The following LRMDA variants were observed in gnomAD, a reference collection of about 807,000 sequenced individuals.
LRMDA encodes the protein leucine-rich melanocyte differentiation-associated protein.
LRMDA carries 18 observed loss-of-function variants against 29.8 expected under a neutral mutation model. That is an observed-to-expected ratio of 0.60 (90% CI 0.42 to 0.90). The LOEUF is 0.90. Ranked by LOEUF, LRMDA falls within the 40% of genes least tolerant of loss-of-function variation. The pLI is 0.00. For missense variants in LRMDA, 273 were observed against 273.9 expected, an observed-to-expected ratio of 1.00 and a Z score of 0.02; for synonymous variants, 125 against 109.4, an observed-to-expected ratio of 1.14 and a Z score of -0.89.
chr10:76,292,590 GACTAC>G (rs936456264), intron 5 of LRMDA, among the ~76,000 whole-genome samples: 10 of 152,136 alleles, frequency 6.6e-5, no homozygotes, highest in Non-Finnish European at 2.9e-5. Context: ...AATGAAGATT[GACTAC>G]ACTGATGAAA....
intron 2 of LRMDA, among the ~76,000 whole-genome samples, chr10:76,035,441 AG>A (rs1208343271): frequency 2.0e-5 from 3 of 152,120 alleles, no homozygotes; most frequent in Admixed American, 6.5e-5. Context: ...AAAAAGGCAG[AG>A]GAAAAAAAAA....
At chr10:75,513,702 G>C (rs368220753) in intron 2 of LRMDA, among the ~76,000 whole-genome samples, 3 of 151,990 alleles carry the variant, frequency 2.0e-5, no homozygotes, top group African/African-American at 7.3e-5. Context: ...CTCTCGGCCC[G>C]GTGTCACTCC....
intron 2 of LRMDA, among the ~76,000 whole-genome samples, chr10:75,561,786 G>A (rs889482076): frequency 7.2e-5 from 11 of 151,780 alleles, no homozygotes; most frequent in African/African-American, 2.7e-4. Context: ...ATTTTGTTAT[G>A]TACCCAGTAG....
chr10:75,785,303 A>T (rs1239012660), intron 2 of LRMDA, among the ~76,000 whole-genome samples: 1 of 151,966 alleles, frequency 6.6e-6, no homozygotes, highest in East Asian at 1.9e-4. Context: ...AATTCCAGAT[A>T]AACCTTCACC....
At chr10:75,539,424 G>A (rs1344806370) in intron 2 of LRMDA, among the ~76,000 whole-genome samples, 1 of 152,058 alleles carries the variant, frequency 6.6e-6, no homozygotes, top group Admixed American at 6.6e-5. Flanking sequence ...TCCCTCTTTG[G>A]GAATGTCATA....
At chr10:76,539,044 T>G (rs1843323358) in intron 6 of LRMDA, among the ~76,000 whole-genome samples, 1 of 152,172 alleles carries the variant, frequency 6.6e-6, no homozygotes, top group Non-Finnish European at 1.5e-5. Context: ...AGTCAGTTGG[T>G]CTATTTTTAT....
At chr10:75,690,337 G>T (rs976301038) in intron 2 of LRMDA, among the ~76,000 whole-genome samples, 2 of 152,098 alleles carry the variant, frequency 1.3e-5, no homozygotes, top group East Asian at 3.9e-4. Flanking sequence ...TCTGGGTCTT[G>T]CTCTGTTACC....
At chr10:75,539,090 C>A (rs1197472607) in intron 2 of LRMDA, among the ~76,000 whole-genome samples, 3 of 152,184 alleles carry the variant, frequency 2.0e-5, no homozygotes, top group Admixed American at 6.5e-5. Flanking sequence ...AAAAAAACTT[C>A]TCTTCAATAG....
chr10:76,170,554 C>T (rs994723856), intron 5 of LRMDA, among the ~76,000 whole-genome samples: 1 of 152,174 alleles, frequency 6.6e-6, no homozygotes, highest in African/African-American at 2.4e-5. Context: ...GTTTCTCATA[C>T]GTAAAGCAGA....
At chr10:76,233,024 G>A (rs575347369) in intron 5 of LRMDA, among the ~76,000 whole-genome samples, 18 of 152,324 alleles carry the variant, frequency 1.2e-4, no homozygotes, top group Admixed American at 3.3e-4. Flanking sequence ...AGAAAAGTGC[G>A]CCAAATGGGA....
At chr10:76,273,633 T>G (rs1840094398) in intron 5 of LRMDA, among the ~76,000 whole-genome samples, 1 of 152,188 alleles carries the variant, frequency 6.6e-6, no homozygotes, top group Admixed American at 6.5e-5. Context: ...AAATACAATT[T>G]GGGCATAAAG....
intron 2 of LRMDA, among the ~76,000 whole-genome samples, chr10:75,977,142 T>G (rs1333542584): frequency 1.3e-5 from 2 of 151,968 alleles, no homozygotes; most frequent in Admixed American, 6.6e-5. Context: ...TTTTTTTCCT[T>G]TTTTAAAGAG....
intron 2 of LRMDA, among the ~76,000 whole-genome samples, chr10:75,524,616 G>A (rs2395289): frequency 0.54 from 82,792 of 151,996 alleles, 23,871 homozygotes; most frequent in Non-Finnish European, 0.64. Context: ...CCCTAATGGA[G>A]TTCTCTGTGT....
intron 2 of LRMDA, among the ~76,000 whole-genome samples, chr10:75,611,349 T>G (rs1373280292): frequency 6.6e-6 from 1 of 152,202 alleles, no homozygotes; most frequent in African/African-American, 2.4e-5. Context: ...TCTGGTTTCA[T>G]TTCCTTTTTA....
intron 2 of LRMDA, among the ~76,000 whole-genome samples, chr10:75,768,223 G>A (rs1166738953): frequency 6.6e-6 from 1 of 152,194 alleles, no homozygotes; most frequent in East Asian, 1.9e-4. Flanking sequence ...CCAGAAGTTG[G>A]ATTGGCATTA....
chr10:75,711,451 G>A (rs1321227605), intron 2 of LRMDA, among the ~76,000 whole-genome samples: 1 of 152,092 alleles, frequency 6.6e-6, no homozygotes, highest in Non-Finnish European at 1.5e-5. Context: ...ACAATTCCCT[G>A]TTTTTTTGGA....
chr10:76,267,947 C>T lies in LRMDA; in HGVS notation c.517-56454C>T, dbSNP rs115844530. ...AATGTTCATGAAGTCCATAGGTTGA[C>T]GTAATATTACATATTGCTATTAAAA... On this transcript the variant is annotated intron_variant, in intron 5 of 6. Transcript: ENST00000611255. 7.1e-3 allele frequency among the ~76,000 whole-genome samples: 1,079 copies of T among 152,230 alleles called. 16 individuals carry two copies. Among genetic ancestry groups the T allele is most frequent in the African/African-American group, 0.024 (1,008 of 41,546 alleles).
chr10:76,380,126 T>C (rs555396040), intron 6 of LRMDA, among the ~76,000 whole-genome samples: 1 of 152,290 alleles, frequency 6.6e-6, no homozygotes, highest in African/African-American at 2.4e-5. Context: ...TTTTATGGCC[T>C]AAAATGTCTA....
chr10:76,427,033 A>T (rs1842134552), intron 6 of LRMDA, among the ~76,000 whole-genome samples: 1 of 152,170 alleles, frequency 6.6e-6, no homozygotes, highest in African/African-American at 2.4e-5. Context: ...GAAGTCAGGT[A>T]GCCTGATGCC....
Sources: allele counts gnomAD v4.1 joint callset (sites outside exome capture counted in the v4.1 genomes callset), GRCh38; gene constraint gnomAD v4.1.1; transcripts MANE v1.5; gene names NCBI Gene and HGNC (gene_info 2026-07-23, HGNC 2026-07-21).